Variants in RBFOX3 observed in about 807,000 individuals in gnomAD.
RBFOX3 encodes the protein RNA binding protein fox-1 homolog 3.
Under a neutral mutation model 48.7 loss-of-function variants are expected in RBFOX3, and 17 were observed. The observed-to-expected ratio is 0.35, with a 90% CI of 0.24 to 0.52. The LOEUF (loss-of-function observed/expected upper bound fraction) is 0.52, where lower values mean the gene tolerates loss of function less well. Among genes scored for constraint, RBFOX3 ranks in the 20% least tolerant of loss-of-function variants. The probability of loss-of-function intolerance (pLI) is 0.94; values close to 1 mark genes in which losing one functional copy is unlikely to be tolerated. For missense variants in RBFOX3, 382 were observed against 497.5 expected (o/e 0.77, Z 2.21); for synonymous variants, 212 against 209.5 (o/e 1.01, Z -0.10).
At chr17:79,660,852 C>G in the RBFOX3 span, among the ~76,000 whole-genome samples, 1 of 152,152 alleles carries the variant, frequency 6.6e-6, no homozygotes, top group East Asian at 1.9e-4. Context: ...CAGTACTATT[C>G]ACAATTGCAA....
At chr17:79,472,494 A>C (rs1434263579) in intron 2 of RBFOX3, among the ~76,000 whole-genome samples, 1 of 152,186 alleles carries the variant, frequency 6.6e-6, no homozygotes, top group East Asian at 1.9e-4. Context: ...AGAGAAGAAG[A>C]TTAGGACACA....
intron 9 of RBFOX3, 43 bp from the exon 10 acceptor site, chr17:79,097,788 C>A: frequency 1.9e-6 from 3 of 1,542,380 alleles, no homozygotes; most frequent in Non-Finnish European, 1.8e-6. Context: ...CTTCCCCGAC[C>A]CTTTTCCCAC....
In RBFOX3 at chr17:79,357,085, G is replaced by A. The variant is rs574840150; in HGVS notation, c.-174-49261C>T. Among the ~76,000 whole-genome samples the A allele has an allele frequency of 5.9e-5, 9 of 152,278 alleles. No homozygotes were observed. The East Asian group carries it at 9.7e-4, about 16-fold the overall frequency. ...CATTCCTGCTCTGTCCTAGCCCCAC[G>A]GGGGCCCCAGACACGCCCACACCCG... is the stretch of plus-strand genomic sequence containing the variant. On this transcript the variant is annotated intron_variant, in intron 2 of 14. Transcript: ENST00000693108.
intron 1 of RBFOX3, among the ~76,000 whole-genome samples, chr17:79,591,381 C>G (rs2093411874): frequency 6.6e-6 from 1 of 152,212 alleles, no homozygotes; most frequent in South Asian, 2.1e-4. Flanking sequence ...AGGAGACACA[C>G]CATGGCCAGG....
At chr17:79,379,890 G>C (rs1233330951) in intron 2 of RBFOX3, among the ~76,000 whole-genome samples, 1 of 152,108 alleles carries the variant, frequency 6.6e-6, no homozygotes, top group African/African-American at 2.4e-5. Context: ...TCTCAGGCCC[G>C]CACGAGTCTG....
At chr17:79,467,353 G>A (rs2076453107) in intron 2 of RBFOX3, among the ~76,000 whole-genome samples, 1 of 152,210 alleles carries the variant, frequency 6.6e-6, no homozygotes. Flanking sequence ...GTGGAGATGA[G>A]GGCAGAGCGG....
chr17:79,447,304 G>A (rs570352910), intron 2 of RBFOX3, among the ~76,000 whole-genome samples: 35 of 152,264 alleles, frequency 2.3e-4, no homozygotes, highest in African/African-American at 8.2e-4. Flanking sequence ...CTGGAGCTCT[G>A]AGCCGCAGGG....
intron 4 of RBFOX3, among the ~76,000 whole-genome samples, chr17:79,228,847 A>G (rs1028037724): frequency 3.0e-4 from 45 of 152,292 alleles, no homozygotes; most frequent in African/African-American, 1.1e-3. Flanking sequence ...CACCTGACTC[A>G]TTACAAAACA....
intron 4 of RBFOX3, among the ~76,000 whole-genome samples, chr17:79,208,785 C>A (rs2057910984): frequency 6.6e-6 from 1 of 151,692 alleles, no homozygotes; most frequent in Non-Finnish European, 1.5e-5. Flanking sequence ...GGACCTCACT[C>A]CCATCTCCAC....
intron 1 of RBFOX3, among the ~76,000 whole-genome samples, chr17:79,545,587 G>A (rs2090315124): frequency 6.6e-6 from 1 of 152,192 alleles, no homozygotes; most frequent in African/African-American, 2.4e-5. Flanking sequence ...CTTCCAGGCA[G>A]CCGATTGGTT....
chr17:79,246,938 G>A (rs996407241), intron 3 of RBFOX3, among the ~76,000 whole-genome samples: 3 of 152,196 alleles, frequency 2.0e-5, no homozygotes, highest in African/African-American at 4.8e-5. Context: ...CACTCAGCAC[G>A]CAGGCAGCTG....
At chr17:79,277,551 A>G (rs1286074874) in intron 3 of RBFOX3, among the ~76,000 whole-genome samples, 1 of 152,234 alleles carries the variant, frequency 6.6e-6, no homozygotes, top group Non-Finnish European at 1.5e-5. Flanking sequence ...CTGCTGTTAC[A>G]GCCGACGCGG....
At chr17:79,269,107 T>C (rs1188534181) in intron 3 of RBFOX3, among the ~76,000 whole-genome samples, 4 of 148,776 alleles carry the variant, frequency 2.7e-5, no homozygotes, top group African/African-American at 9.7e-5. Flanking sequence ...GAAGGGGAGA[T>C]GCGGACACAA....
the RBFOX3 span, among the ~76,000 whole-genome samples, chr17:79,629,028 C>G: frequency 1.3e-5 from 2 of 152,216 alleles, no homozygotes; most frequent in Non-Finnish European, 2.9e-5. Flanking sequence ...GATTCAACAA[C>G]TATTCTTTGC....
intron 2 of RBFOX3, among the ~76,000 whole-genome samples, chr17:79,475,930 G>A (rs955194042): frequency 2.4e-4 from 37 of 152,240 alleles, no homozygotes; most frequent in Admixed American, 7.2e-4. Flanking sequence ...GAATTGGTGA[G>A]AACGAAGAGC....
intron 3 of RBFOX3, among the ~76,000 whole-genome samples, chr17:79,256,937 A>G (rs1435307096): frequency 1.0e-5 from 1 of 98,068 alleles, no homozygotes; most frequent in East Asian, 3.6e-4. Flanking sequence ...AAACAAACAA[A>G]CAAAACAAAA....
the RBFOX3 span, among the ~76,000 whole-genome samples, chr17:79,655,117 A>C: frequency 6.6e-6 from 1 of 152,208 alleles, no homozygotes; most frequent in Non-Finnish European, 1.5e-5. Context: ...GTCGGGTGGA[A>C]GCTCAGGTCA....
chr17:79,609,692 C>T (rs2093925832), intron 1 of RBFOX3, among the ~76,000 whole-genome samples: 1 of 150,788 alleles, frequency 6.6e-6, no homozygotes, highest in Admixed American at 6.6e-5. Context: ...ATCCCAGGGC[C>T]GCTTGGGGAC....
At chr17:79,527,393 G>A (rs1450550766) in intron 1 of RBFOX3, among the ~76,000 whole-genome samples, 3 of 152,312 alleles carry the variant, frequency 2.0e-5, no homozygotes, top group South Asian at 2.1e-4. Flanking sequence ...ATCCACCAGC[G>A]TTGAAATCTC....
Sources: gnomAD v4.1 joint callset for allele counts (sites outside exome capture counted in the v4.1 genomes callset) on GRCh38, gnomAD v4.1.1 for gene constraint, MANE v1.5 for transcripts, NCBI Gene and HGNC (gene_info 2026-07-23, HGNC 2026-07-21) for gene names.